Variants in GNAO1 observed in about 807,000 individuals in gnomAD.
GNAO1 encodes the protein guanine nucleotide-binding protein G(o) subunit alpha.
For synonymous variants in GNAO1, 164 were observed against 180.7 expected (o/e 0.91, Z 0.74); for missense variants, 166 against 478.7 (o/e 0.35, Z 6.10).
intron 3 of GNAO1, among the ~76,000 whole-genome samples, chr16:56,303,595 C>CTG (rs1319361722): frequency 6.6e-6 from 1 of 152,220 alleles, no homozygotes; most frequent in African/African-American, 2.4e-5. Context: ...AGTAGAGCCC[C>CTG]TCGTGACTGT....
At chr16:56,228,481 T>G (rs2036556010) in intron 2 of GNAO1, among the ~76,000 whole-genome samples, 1 of 151,498 alleles carries the variant, frequency 6.6e-6, no homozygotes, top group Non-Finnish European at 1.5e-5. Flanking sequence ...TTAGATTATG[T>G]ATATTAAAAT....
chr16:56,282,907 G>A (rs2037128286), intron 3 of GNAO1, among the ~76,000 whole-genome samples: 1 of 151,960 alleles, frequency 6.6e-6, no homozygotes, highest in South Asian at 2.1e-4. Context: ...TGGCCTGTAG[G>A]TATGAGTCTC....
chr16:56,333,650 C>A (rs1233718261), intron 4 of GNAO1, among the ~76,000 whole-genome samples: 1 of 152,254 alleles, frequency 6.6e-6, no homozygotes, highest in East Asian at 1.9e-4. Context: ...CTGGCGAAGT[C>A]ATCTGCCCTT....
At chr16:56,306,065 G>T (rs1008355437) in intron 3 of GNAO1, among the ~76,000 whole-genome samples, 9 of 152,212 alleles carry the variant, frequency 5.9e-5, no homozygotes, top group Admixed American at 5.9e-4. Context: ...CTGAGATGAA[G>T]CTCGTGGATC....
chr16:56,192,725 T>TGC lies in GNAO1; in HGVS notation c.161+110_161+111dup, dbSNP rs1253710578. On this transcript the variant is annotated intron_variant, in intron 2 of 8. Transcript: ENST00000262493. ...CTCTCCAGGCCTGTTTTTTAATTCGTGCACACACACACACACACACACACA... is the reference window on the plus strand; with the variant it reads ...CTCTCCAGGCCTGTTTTTTAATTCGTGCGCACACACACACACACACACACACA... The TGC allele has an allele frequency of 8.7e-5, 50 of 574,606 alleles. No individual in the cohort carries two copies. The Middle Eastern group carries it at 5.1e-3, about 59-fold the overall frequency. The allele number at this position is 574,606 out of a possible 1,614,324, so 35.6% of individuals were successfully genotyped here.
At chr16:56,345,830 T>C in intron 6 of GNAO1, 1 of 985,594 alleles carries the variant, frequency 1.0e-6, no homozygotes, top group Non-Finnish European at 1.2e-6. Flanking sequence ...TGCTCCGAAC[T>C]GTAACCCCAG....
At chr16:56,273,232 CCTCT>C (rs1391701973) in intron 2 of GNAO1, among the ~76,000 whole-genome samples, 1 of 151,890 alleles carries the variant, frequency 6.6e-6, no homozygotes, top group Non-Finnish European at 1.5e-5. Flanking sequence ...CAGCTTCTTC[CCTCT>C]CTTTGTTTCA....
intron 3 of GNAO1, among the ~76,000 whole-genome samples, chr16:56,285,953 T>C (rs1419018110): frequency 1.3e-5 from 2 of 152,028 alleles, no homozygotes; most frequent in South Asian, 2.1e-4. Context: ...AGATATACCG[T>C]GGAGTAGCCT....
rs185373207 is a variant in GNAO1 at position 56,341,283 on chromosome 16, C to T, written c.723+4423C>T. ...CGCACAGGGGCTCTCTGTGACGAGA[C>T]GAGCAAACGCCGAGAAGATGAGGGG... On this transcript the variant is annotated intron_variant, in intron 6 of 8. Transcript: ENST00000262493. Among the ~76,000 whole-genome samples, 23 of 152,308 alleles carry T rather than the reference C, an allele frequency of 1.5e-4. No homozygotes were observed. In the East Asian group the frequency reaches 3.7e-3, roughly 24 times the overall value.
chr16:56,356,300 AAC>A lies in GNAO1; in HGVS notation c.*228_*229del, dbSNP rs2037967160. 1 of 152,634 alleles carries A rather than the reference AAC, an allele frequency of 6.6e-6. No homozygotes were observed. The highest frequency in any genetic ancestry group is 1.5e-5 in the Non-Finnish European group (1 of 68,044). The allele number at this position is 152,634 out of a possible 1,614,324, so 9.5% of individuals were successfully genotyped here. A position where few individuals can be genotyped will look rare whatever the true frequency, so the allele number is the denominator to read the frequency against. ...TTCACATTTAGAATTTGAAAGGAAAAACAGAACATTTCTCATGTGCTTTGTAG... is the reference window on the plus strand; with the variant it reads ...TTCACATTTAGAATTTGAAAGGAAAAAGAACATTTCTCATGTGCTTTGTAG... On this transcript the variant is annotated 3_prime_UTR_variant, in exon 9 of 9. Transcript: ENST00000262493.
In GNAO1 at chr16:56,326,018, C is replaced by A. The variant is rs543006690; in HGVS notation, c.304-2613C>A. ...ACCAGCCACCTCCTCCACTCATCGA[C>A]CCTCTTCCTTGCCTTGGCATCCCAC... is the stretch of plus-strand genomic sequence containing the variant. On this transcript the variant is annotated intron_variant, in intron 3 of 8. Transcript: ENST00000262493. This position sits in a 1 kb window ranked among gnomAD's most constrained non-coding sequence, Gnocchi z 4.8. Among the ~76,000 whole-genome samples the A allele has an allele frequency of 6.6e-6, 1 of 152,344 alleles. No individual in the cohort carries two copies. Among genetic ancestry groups the A allele is most frequent in the East Asian group, 1.9e-4 (1 of 5,184 alleles).
intron 3 of GNAO1, among the ~76,000 whole-genome samples, chr16:56,280,952 A>G (rs1401205745): frequency 6.6e-6 from 1 of 152,154 alleles, no homozygotes; most frequent in Non-Finnish European, 1.5e-5. Context: ...TATGTTTCAG[A>G]GCCTTTATTG....
intron 6 of GNAO1, among the ~76,000 whole-genome samples, chr16:56,349,418 C>T (rs1253014382): frequency 6.6e-6 from 1 of 152,152 alleles, no homozygotes; most frequent in Non-Finnish European, 1.5e-5. Context: ...TAATGTGGCT[C>T]AATGAGCTTG....
intron 3 of GNAO1, among the ~76,000 whole-genome samples, chr16:56,328,222 C>T (rs904766674): frequency 2.6e-5 from 4 of 152,156 alleles, no homozygotes; most frequent in African/African-American, 9.7e-5. Flanking sequence ...TTTTCTCCCC[C>T]GAACAAAATA....
At chr16:56,270,988 C>A (rs2037011331) in intron 2 of GNAO1, 1 of 152,196 alleles carries the variant, frequency 6.6e-6, no homozygotes, top group African/African-American at 2.4e-5. Context: ...CTCCTGATTT[C>A]CAAATCCTGG....
intron 4 of GNAO1, among the ~76,000 whole-genome samples, chr16:56,332,025 T>A (rs910843345): frequency 5.3e-5 from 8 of 152,102 alleles, no homozygotes; most frequent in African/African-American, 1.9e-4. Context: ...GCAGCTCCCC[T>A]GGCAGGTACA....
chr16:56,347,586 C>T (rs1229786662), intron 6 of GNAO1: 3 of 985,382 alleles, frequency 3.0e-6, no homozygotes, highest in Non-Finnish European at 3.6e-6. Context: ...AAAGAATGGC[C>T]CCCAGTCCAA....
intron 3 of GNAO1, among the ~76,000 whole-genome samples, chr16:56,295,285 A>G (rs961890212): frequency 1.3e-5 from 2 of 152,162 alleles, no homozygotes; most frequent in African/African-American, 2.4e-5. Flanking sequence ...CCTGGGTCCA[A>G]GTCCCAGCTC....
chr16:56,244,885 A>G (rs2036728519), intron 2 of GNAO1, among the ~76,000 whole-genome samples: 1 of 152,214 alleles, frequency 6.6e-6, no homozygotes, highest in South Asian at 2.1e-4. Context: ...CCTGTTTCCC[A>G]CTGAATAGCA....
Sources: gnomAD v4.1 joint callset for allele counts (sites outside exome capture counted in the v4.1 genomes callset) on GRCh38, gnomAD v4.1.1 for gene constraint, Gnocchi (gnomAD v3.1) non-coding constraint, MANE v1.5 for transcripts, NCBI Gene and HGNC (gene_info 2026-07-23, HGNC 2026-07-21) for gene names.